The following STPG2 variants were observed in gnomAD, a reference collection of about 807,000 sequenced individuals.
STPG2 encodes the protein sperm tail PG-rich repeat containing 2, also known as sperm-tail PG-rich repeat-containing protein 2.
Under a neutral mutation model 54.2 loss-of-function variants are expected in STPG2, and 56 were observed. The ratio of observed to expected loss-of-function variants is 1.03; its 90% confidence interval spans 0.83 to 1.29. The LOEUF is 1.29. Among genes scored for constraint, STPG2 ranks in the 50% most tolerant of loss-of-function variants. The pLI, the probability that STPG2 is intolerant of heterozygous loss-of-function variation, is 0.00. For missense variants in STPG2, 596 were observed against 544.9 expected (o/e 1.09, Z -0.93); for synonymous variants, 200 against 181.8 (o/e 1.10, Z -0.81).
chr4:97,560,193 C>A (rs1270468605), intron 10 of STPG2, among the ~76,000 whole-genome samples: 1 of 152,066 alleles, frequency 6.6e-6, no homozygotes, highest in Non-Finnish European at 1.5e-5. Context: ...AATTCTTATT[C>A]CAACATTTTG....
intron 8 of STPG2, among the ~76,000 whole-genome samples, chr4:97,855,737 G>C (rs968464123): frequency 2.0e-5 from 3 of 152,028 alleles, no homozygotes; most frequent in Non-Finnish European, 4.4e-5. Context: ...TGAAATCTTT[G>C]TCCATGCCTG....
intron 9 of STPG2, among the ~76,000 whole-genome samples, chr4:97,752,190 A>G (rs929400303): frequency 6.6e-6 from 1 of 151,604 alleles, no homozygotes; most frequent in African/African-American, 2.4e-5. Flanking sequence ...TTTTAATGGG[A>G]CTCCTCTATA....
At chr4:98,004,087 T>C (rs905644592) in intron 5 of STPG2, among the ~76,000 whole-genome samples, 1 of 152,050 alleles carries the variant, frequency 6.6e-6, no homozygotes, top group African/African-American at 2.4e-5. Context: ...AGAGTTACTA[T>C]ACTATAACAT....
chr4:97,526,880 A>G (rs534715750), intron 4 of STPG2, among the ~76,000 whole-genome samples: 1 of 152,114 alleles, frequency 6.6e-6, no homozygotes, highest in African/African-American at 2.4e-5. Context: ...ATGGAGTTTC[A>G]GTTTTCTGCA....
At chr4:98,017,936 G>A (rs1364175117) in intron 5 of STPG2, among the ~76,000 whole-genome samples, 7 of 152,038 alleles carry the variant, frequency 4.6e-5, no homozygotes, top group African/African-American at 1.7e-4. Context: ...TCCACCTTCT[G>A]CCATGATTGT....
downstream of STPG2, among the ~76,000 whole-genome samples, chr4:97,557,871 C>A (rs1008738404): frequency 3.3e-5 from 5 of 152,118 alleles, no homozygotes; most frequent in African/African-American, 1.2e-4. Flanking sequence ...TTCTTGCAAA[C>A]AGAATAAGGA....
intron 10 of STPG2, among the ~76,000 whole-genome samples, chr4:97,559,770 A>G (rs542923327): frequency 6.6e-6 from 1 of 152,190 alleles, no homozygotes; most frequent in Non-Finnish European, 1.5e-5. Flanking sequence ...AAGTTATCTT[A>G]CCTGTAAGTA....
At chr4:98,050,233 A>C (rs1363280371) in intron 5 of STPG2, among the ~76,000 whole-genome samples, 1 of 152,166 alleles carries the variant, frequency 6.6e-6, no homozygotes, top group African/African-American at 2.4e-5. Flanking sequence ...TAGCATTGTG[A>C]TTATGTTTGA....
intron 8 of STPG2, among the ~76,000 whole-genome samples, chr4:97,912,801 C>T (rs1239176921): frequency 6.6e-6 from 1 of 152,176 alleles, no homozygotes; most frequent in East Asian, 1.9e-4. Context: ...CATGCATTGG[C>T]ATTTTGTAAA....
intron 8 of STPG2, among the ~76,000 whole-genome samples, chr4:97,924,110 A>T (rs1247329532): frequency 6.6e-6 from 1 of 152,154 alleles, no homozygotes; most frequent in Admixed American, 6.5e-5. Context: ...CTCACCGCGA[A>T]GGTCTGCAGC....
intron 5 of STPG2, among the ~76,000 whole-genome samples, chr4:98,036,887 A>G (rs1736796393): frequency 6.6e-6 from 1 of 152,146 alleles, no homozygotes; most frequent in Non-Finnish European, 1.5e-5. Flanking sequence ...AACTAAAAAT[A>G]TAGTTTTCTT....
At chr4:97,680,174 G>T (rs1327809705) in intron 10 of STPG2, among the ~76,000 whole-genome samples, 1 of 151,372 alleles carries the variant, frequency 6.6e-6, no homozygotes, top group African/African-American at 2.4e-5. Context: ...AAAGTCATTG[G>T]TAGCTTGATG....
At chr4:97,767,410 C>A (rs1474596430) in intron 9 of STPG2, among the ~76,000 whole-genome samples, 4 of 151,980 alleles carry the variant, frequency 2.6e-5, no homozygotes, top group Non-Finnish European at 5.9e-5. Context: ...TGATAGGAAA[C>A]AATAATACAG....
chr4:98,014,375 T>C (rs530804139), intron 5 of STPG2, among the ~76,000 whole-genome samples: 68 of 152,256 alleles, frequency 4.5e-4, no homozygotes, highest in African/African-American at 1.6e-3. Context: ...TCAGGTGGGC[T>C]GCGGCAACAC....
rs1385447902 is a variant in STPG2 at position 98,095,283 on chromosome 4, A to G, written c.612+10670T>C. 2.0e-5 allele frequency among the ~76,000 whole-genome samples: 3 copies of G among 152,322 alleles called. No homozygotes were observed. The East Asian group carries it at 5.8e-4, about 29-fold the overall frequency. ...GAAGAGAAGACCACAAAACAACCAG[A>G]AAACAAATAACAAAATGGCAGACGT... On this transcript the variant is annotated intron_variant, in intron 5 of 10. Transcript: ENST00000295268.
intron 10 of STPG2, among the ~76,000 whole-genome samples, chr4:97,648,246 A>G (rs370307471): frequency 6.6e-6 from 1 of 152,150 alleles, no homozygotes; most frequent in South Asian, 2.1e-4. Flanking sequence ...AGTCCTATCT[A>G]GATGAAGCAT....
chr4:97,471,315 T>C (rs1253232623), intron 4 of STPG2, among the ~76,000 whole-genome samples: 1 of 152,188 alleles, frequency 6.6e-6, no homozygotes, highest in African/African-American at 2.4e-5. Context: ...CATATTACTA[T>C]GTCATGTACA....
At chr4:97,855,177 C>G (rs1003026275) in intron 8 of STPG2, among the ~76,000 whole-genome samples, 3 of 152,092 alleles carry the variant, frequency 2.0e-5, no homozygotes, top group Non-Finnish European at 2.9e-5. Context: ...GCTGATTCCA[C>G]GTCTTTGCTA....
intron 4 of STPG2, among the ~76,000 whole-genome samples, chr4:97,447,856 A>G (rs1296576149): frequency 6.6e-6 from 1 of 152,094 alleles, no homozygotes; most frequent in Non-Finnish European, 1.5e-5. Context: ...CTCCTAGTGG[A>G]GCTGTGAGAA....
Sources: allele counts gnomAD v4.1 joint callset (sites outside exome capture counted in the v4.1 genomes callset), GRCh38; gene constraint gnomAD v4.1.1; transcripts MANE v1.5; gene names NCBI Gene and HGNC (gene_info 2026-07-23, HGNC 2026-07-21).